Variants in NWD2 observed in about 807,000 individuals in gnomAD.
NWD2 encodes NACHT and WD repeat domain-containing protein 2.
Under a neutral mutation model 132.7 loss-of-function variants are expected in NWD2, and 37 were observed. The ratio of observed to expected loss-of-function variants is 0.28; its 90% CI spans 0.21 to 0.37. The LOEUF is 0.37. Ranked by LOEUF, NWD2 falls within the 10% of genes least tolerant of loss-of-function variation. The pLI is 1.00. For missense variants in NWD2, 1,592 were observed against 2,122.4 expected (o/e 0.75, Z 4.91); for synonymous variants, 705 against 803.0 (o/e 0.88, Z 2.06).
At chr4:37,270,856 G>A (rs1355933092) in intron 1 of NWD2, among the ~76,000 whole-genome samples, 1 of 151,504 alleles carries the variant, frequency 6.6e-6, no homozygotes, top group Non-Finnish European at 1.5e-5. Context: ...ATTTTCTTAT[G>A]TTTTCTTCTA....
chr4:37,302,652 A>G (rs1371726664), intron 1 of NWD2, among the ~76,000 whole-genome samples: 2 of 151,960 alleles, frequency 1.3e-5, no homozygotes, highest in African/African-American at 4.8e-5. Flanking sequence ...GATAATAGCC[A>G]TTTTAACTGG....
At chr4:37,319,023 G>T (rs1224231867) in intron 1 of NWD2, among the ~76,000 whole-genome samples, 3 of 152,136 alleles carry the variant, frequency 2.0e-5, no homozygotes, top group African/African-American at 7.2e-5. Context: ...TCAAATGGTA[G>T]CTCTGTTTTA....
chr4:37,367,080 A>G (rs1413474784), intron 3 of NWD2, among the ~76,000 whole-genome samples: 1 of 152,180 alleles, frequency 6.6e-6, no homozygotes, highest in Non-Finnish European at 1.5e-5. Context: ...CATCCATATG[A>G]TGGGTAACAA....
intron 1 of NWD2, among the ~76,000 whole-genome samples, chr4:37,313,989 C>G (rs73240366): frequency 0.16 from 23,662 of 145,668 alleles, 2,460 homozygotes; most frequent in South Asian, 0.33. Flanking sequence ...AGCCACTGCG[C>G]CTGGCCATTG....
At chr4:37,415,685 C>A (rs887262236) in intron 3 of NWD2, among the ~76,000 whole-genome samples, 11 of 128,242 alleles carry the variant, frequency 8.6e-5, no homozygotes, top group African/African-American at 3.4e-4. Flanking sequence ...GCCTGGGCAA[C>A]AGTGCAAGAC....
chr4:37,315,130 T>A (rs1476714649), intron 1 of NWD2, among the ~76,000 whole-genome samples: 1 of 152,104 alleles, frequency 6.6e-6, no homozygotes, highest in Non-Finnish European at 1.5e-5. Flanking sequence ...AACTTAATTT[T>A]GTTGTAGTTG....
intron 3 of NWD2, among the ~76,000 whole-genome samples, chr4:37,405,834 C>A (rs1487495246): frequency 2.0e-5 from 3 of 152,160 alleles, no homozygotes; most frequent in African/African-American, 7.2e-5. Context: ...ATATTACAGT[C>A]ATTTTAGAGA....
intron 1 of NWD2, among the ~76,000 whole-genome samples, chr4:37,252,474 C>G (rs1717396814): frequency 6.6e-6 from 1 of 152,172 alleles, no homozygotes; most frequent in African/African-American, 2.4e-5. Flanking sequence ...TTTCAGTTAT[C>G]TATTGCTATG....
rs555292095 is a variant in NWD2 at position 37,252,735 on chromosome 4, C to T, written c.151+7517C>T. Among the ~76,000 whole-genome samples the T allele has an allele frequency of 6.6e-5, 10 of 152,286 alleles. No individual in the cohort carries two copies. The South Asian group carries it at 1.0e-3, about 16-fold the overall frequency. On this transcript the variant is annotated intron_variant, in intron 1 of 6. Transcript: ENST00000309447. The stretch of plus-strand genomic sequence containing the variant: ...GGTATTCTCTCCATCTCCAGCTTTT[C>T]GCTCATCTTTCAGGAGTCCAGCCCA...
chr4:37,260,159 G>T lies in NWD2; in HGVS notation c.151+14941G>T, dbSNP rs573096667. ...TAGAGAGCGTTCTTGTTTTCCAATA[G>T]TGTCATGTGTGCATGAGGTGTGACG... On this transcript the variant is annotated intron_variant, in intron 1 of 6. Coordinates refer to ENST00000309447, the MANE Select transcript of NWD2 (RefSeq NM_001144990.2). Among the ~76,000 whole-genome samples, 133 of 152,200 alleles carry T rather than the reference G, an allele frequency of 8.7e-4. 3 individuals are homozygous for T. The highest frequency in any genetic ancestry group is 3.3e-4 in the Admixed American group (5 of 15,274).
intron 1 of NWD2, among the ~76,000 whole-genome samples, chr4:37,303,567 A>G (rs1320957699): frequency 3.3e-5 from 5 of 152,000 alleles, no homozygotes; most frequent in Non-Finnish European, 7.4e-5. Flanking sequence ...CAGTCTTCCA[A>G]TTCAAAAACG....
intron 3 of NWD2, among the ~76,000 whole-genome samples, chr4:37,386,481 T>C (rs1422505364): frequency 6.6e-6 from 1 of 152,034 alleles, no homozygotes; most frequent in Non-Finnish European, 1.5e-5. Flanking sequence ...ATACAGGCTT[T>C]CCAGAAGATC....
At chr4:37,442,577 T>G (rs940415309) in intron 6 of NWD2, among the ~76,000 whole-genome samples, 3 of 152,202 alleles carry the variant, frequency 2.0e-5, no homozygotes, top group African/African-American at 7.2e-5. Context: ...ATGTGAGGAC[T>G]GATGGCTACA....
intron 1 of NWD2, among the ~76,000 whole-genome samples, chr4:37,294,929 G>T (rs752196718): frequency 3.9e-5 from 6 of 152,152 alleles, no homozygotes; most frequent in Non-Finnish European, 7.3e-5. Context: ...GATGTTTGAG[G>T]GCTTCAATAT....
intron 1 of NWD2, among the ~76,000 whole-genome samples, chr4:37,315,304 G>A (rs1341837007): frequency 1.3e-5 from 2 of 152,006 alleles, no homozygotes; most frequent in African/African-American, 4.8e-5. Flanking sequence ...CTTGATAGTG[G>A]TGTTCAAGTC....
intron 2 of NWD2, among the ~76,000 whole-genome samples, chr4:37,331,833 C>T (rs1368506976): frequency 1.3e-5 from 2 of 151,756 alleles, no homozygotes; most frequent in East Asian, 3.9e-4. Context: ...CCCCAACTCC[C>T]AGCAGCAGCC....
intron 3 of NWD2, among the ~76,000 whole-genome samples, chr4:37,384,430 T>C (rs1720519481): frequency 6.6e-6 from 1 of 152,234 alleles, no homozygotes; most frequent in South Asian, 2.1e-4. Context: ...GAAGATGGCA[T>C]ATTCTGTTTA....
intron 1 of NWD2, among the ~76,000 whole-genome samples, chr4:37,258,154 A>G (rs1490363955): frequency 2.6e-5 from 4 of 152,278 alleles, no homozygotes; most frequent in Non-Finnish European, 5.9e-5. Flanking sequence ...TGGTTCCCAC[A>G]TCTATGTGGG....
At chr4:37,417,891 A>C (rs1199286406) in intron 3 of NWD2, among the ~76,000 whole-genome samples, 1 of 152,192 alleles carries the variant, frequency 6.6e-6, no homozygotes, top group Non-Finnish European at 1.5e-5. Flanking sequence ...GATTAAGATT[A>C]ATAATTTAAT....
Sources: gnomAD v4.1 joint callset for allele counts (sites outside exome capture counted in the v4.1 genomes callset) on GRCh38, gnomAD v4.1.1 for gene constraint, MANE v1.5 for transcripts, NCBI Gene and HGNC (gene_info 2026-07-23, HGNC 2026-07-21) for gene names.